SMG6: variants seen among roughly 807,000 people sequenced by gnomAD.
SMG6 encodes telomerase-binding protein EST1A.
Under a neutral mutation model 142.2 loss-of-function variants are expected in SMG6, and 66 were observed. The observed-to-expected ratio is 0.46, with a 90% CI of 0.38 to 0.57. The LOEUF (loss-of-function observed/expected upper bound fraction) is 0.57. SMG6 is among the 20% of genes least tolerant of loss of function. The probability of loss-of-function intolerance (pLI) is 0.00; values close to 1 mark genes in which losing one functional copy is unlikely to be tolerated. For missense variants in SMG6, 1,793 were observed against 1,832.0 expected (o/e 0.98, Z 0.39); for synonymous variants, 779 against 702.4 (o/e 1.11, Z -1.72).
intron 13 of SMG6, among the ~76,000 whole-genome samples, chr17:2,089,921 C>T (rs757609998): frequency 2.6e-5 from 4 of 151,992 alleles, no homozygotes; most frequent in South Asian, 2.1e-4. Flanking sequence ...CGGTAGCTCA[C>T]GAATGTCATG....
intron 8 of SMG6, among the ~76,000 whole-genome samples, chr17:2,278,624 G>A (rs1409514307): frequency 2.6e-5 from 4 of 152,134 alleles, no homozygotes; most frequent in Non-Finnish European, 5.9e-5. Flanking sequence ...ATTGGAACGA[G>A]TGATCATTAT....
intron 4 of SMG6, among the ~76,000 whole-genome samples, chr17:2,297,010 G>GAAAA (rs374673133): frequency 1.3e-4 from 8 of 60,978 alleles, no homozygotes; most frequent in African/African-American, 1.9e-4. Flanking sequence ...CTCAAAAAAT[G>GAAAA]AAAAAAAAAA....
At chr17:2,256,969 TATG>T (rs1281636645) in intron 8 of SMG6, among the ~76,000 whole-genome samples, 4 of 151,660 alleles carry the variant, frequency 2.6e-5, no homozygotes, top group Non-Finnish European at 2.9e-5. Context: ...TGTATGTATG[TATG>T]TATTTATTTA....
At chr17:2,286,733 A>T (rs1472079864) in intron 6 of SMG6, among the ~76,000 whole-genome samples, 1 of 152,174 alleles carries the variant, frequency 6.6e-6, no homozygotes, top group Non-Finnish European at 1.5e-5. Flanking sequence ...TGAAAGGAAC[A>T]AAAGAAAAAA....
At chr17:2,186,064 G>A (rs944498596) in intron 12 of SMG6, among the ~76,000 whole-genome samples, 6 of 151,628 alleles carry the variant, frequency 4.0e-5, no homozygotes, top group South Asian at 2.1e-4. Flanking sequence ...TGTCTCTACC[G>A]AAAAATACAA....
At chr17:2,222,460 C>A (rs1195057042) in intron 10 of SMG6, among the ~76,000 whole-genome samples, 2 of 145,888 alleles carry the variant, frequency 1.4e-5, no homozygotes, top group African/African-American at 5.1e-5. Context: ...TAGCAGAGAA[C>A]TTGCAAGAAG....
At chr17:2,070,153 G>C (rs1481033572) in intron 15 of SMG6, among the ~76,000 whole-genome samples, 1 of 152,206 alleles carries the variant, frequency 6.6e-6, no homozygotes, top group Admixed American at 6.5e-5. Context: ...AAGTTCCCGA[G>C]AGATGCACAT....
At chr17:2,184,204 C>T (rs147898557) in intron 12 of SMG6, among the ~76,000 whole-genome samples, 226 of 151,076 alleles carry the variant, frequency 1.5e-3, no homozygotes, top group African/African-American at 5.1e-3. Context: ...CTCTACTAAA[C>T]ATAAAAAAAT....
At chr17:2,244,204 G>A (rs1331705702) in intron 9 of SMG6, among the ~76,000 whole-genome samples, 1 of 152,178 alleles carries the variant, frequency 6.6e-6, no homozygotes, top group African/African-American at 2.4e-5. Flanking sequence ...GAGCATAGGA[G>A]GAAAGGATAT....
rs369435510 is a variant in SMG6 at position 2,074,909 on chromosome 17, C to T, written c.3682-5978G>A. Among the ~76,000 whole-genome samples the T allele has an allele frequency of 1.6e-3, 238 of 152,296 alleles. 2 individuals are homozygous for T. Among genetic ancestry groups the T allele is most frequent in the African/African-American group, 5.4e-3 (226 of 41,550 alleles). ...CTTGCTCTGAGCAGCAGCCTGAGGG[C>T]GTTTCAGACAGTGGCCTGGCCACTC... On this transcript the variant is annotated intron_variant, in intron 15 of 18. Coordinates refer to ENST00000263073, the MANE Select transcript of SMG6 (RefSeq NM_017575.5).
intron 14 of SMG6, 191 bp from the exon 15 acceptor site, chr17:2,082,147 C>T (rs1162980271): frequency 2.5e-5 from 15 of 596,434 alleles, no homozygotes; most frequent in South Asian, 8.1e-5. Flanking sequence ...ACTCTTCCCC[C>T]GGAGCTGCTC....
chr17:2,195,897 AC>A (rs2072310205), intron 10 of SMG6, among the ~76,000 whole-genome samples: 2 of 151,996 alleles, frequency 1.3e-5, no homozygotes, highest in African/African-American at 4.8e-5. Flanking sequence ...CACGCCCGTG[AC>A]TCAAGTGTCA....
At chr17:2,114,310 T>C (rs1294834009) in intron 13 of SMG6, among the ~76,000 whole-genome samples, 1 of 152,050 alleles carries the variant, frequency 6.6e-6, no homozygotes, top group African/African-American at 2.4e-5. Flanking sequence ...AAAACAAAAC[T>C]AACATTGATT....
chr17:2,091,618 C>T (rs2068716624), intron 13 of SMG6, among the ~76,000 whole-genome samples: 1 of 152,108 alleles, frequency 6.6e-6, no homozygotes, highest in African/African-American at 2.4e-5. Flanking sequence ...CCTGCTATAG[C>T]TGGGCCTCTT....
At chr17:2,143,690 A>G (rs1480880756) in intron 13 of SMG6, among the ~76,000 whole-genome samples, 1 of 152,206 alleles carries the variant, frequency 6.6e-6, no homozygotes, top group Non-Finnish European at 1.5e-5. Flanking sequence ...AAACAACGGA[A>G]TTGTGTACTT....
intron 13 of SMG6, among the ~76,000 whole-genome samples, chr17:2,143,610 G>T (rs563599008): frequency 9.9e-5 from 15 of 152,236 alleles, no homozygotes; most frequent in Admixed American, 9.2e-4. Context: ...TAGGTAGAGG[G>T]TTTCTTTATG....
At chr17:2,120,720 C>T (rs1300889603) in intron 13 of SMG6, among the ~76,000 whole-genome samples, 1 of 151,918 alleles carries the variant, frequency 6.6e-6, no homozygotes, top group African/African-American at 2.4e-5. Context: ...AAGACCCTGT[C>T]TGAAAAAACA....
chr17:2,070,312 C>T (rs948644979), intron 15 of SMG6, among the ~76,000 whole-genome samples: 25 of 152,350 alleles, frequency 1.6e-4, no homozygotes, highest in African/African-American at 5.8e-4. Context: ...TCGAACTGAT[C>T]TGCTGGCATC....
chr17:2,127,465 C>A, intron 13 of SMG6: 3 of 848,048 alleles, frequency 3.5e-6, no homozygotes, highest in Admixed American at 1.8e-5. Flanking sequence ...TACTGTTAGG[C>A]ACGTAAATAT....
Sources: allele counts gnomAD v4.1 joint callset (sites outside exome capture counted in the v4.1 genomes callset), GRCh38; gene constraint gnomAD v4.1.1; transcripts MANE v1.5; gene names NCBI Gene and HGNC (gene_info 2026-07-23, HGNC 2026-07-21).